ZNF536: variants seen among roughly 807,000 people sequenced by gnomAD.
ZNF536 encodes zinc finger protein 536.
ZNF536 carries 13 observed loss-of-function variants against 84.5 expected under a neutral mutation model. The observed-to-expected ratio is 0.15, with a 90% CI of 0.10 to 0.24. The LOEUF (loss-of-function observed/expected upper bound fraction) is 0.24. ZNF536 is among the 10% of genes least tolerant of loss of function. ZNF536 has a pLI of 1.00. For synonymous variants in ZNF536, 811 were observed against 742.5 expected (o/e 1.09, Z -1.50); for missense variants, 1,536 against 1,747.5 (o/e 0.88, Z 2.16).
At position 30,565,093 on chromosome 19, in the gene ZNF536, G is replaced by A. The variant is rs533060293; in HGVS notation, c.169+15579G>A. 2.6e-5 allele frequency among the ~76,000 whole-genome samples: 4 copies of A among 152,224 alleles called. No homozygotes were observed. In the East Asian group the frequency reaches 7.7e-4, roughly 29 times the overall value. ...GTCACCGTTGACATCTCAAACGAGG[G>A]TGACCATCTGCTCCTCTTTTTGCCA... On this transcript the variant is annotated intron_variant, in intron 1 of 1. Transcript: ENST00000592773.
rs1245763931 is a variant in ZNF536 at position 30,549,195 on chromosome 19, G to A, written c.3576G>A (p.Lys1192=). 3.1e-6 allele frequency: 5 copies of A among 1,614,032 alleles called. No individual in the cohort carries two copies. Among genetic ancestry groups the A allele is most frequent in the Non-Finnish European group, 2.5e-6 (3 of 1,180,046 alleles). Residue 1192 remains lysine, a synonymous_variant, in exon 4 of 5, where the codon AAG becomes AAA. Coordinates refer to ENST00000355537, the MANE Select transcript of ZNF536 (RefSeq NM_014717.3). Reference sequence around the variant, plus strand: ...AAACCGAACCGGAAATGATGACCAAGCCACTGTCTGCCCTCAGCAAAGACA... The same window carrying A: ...AAACCGAACCGGAAATGATGACCAAACCACTGTCTGCCCTCAGCAAAGACA... ...DVETEPEMMT[K]PLSALSKDSS...
chr19:30,348,236 G>A (rs1202754815), intron 2 of ZNF536, among the ~76,000 whole-genome samples: 3 of 152,042 alleles, frequency 2.0e-5, no homozygotes, highest in Non-Finnish European at 4.4e-5. Flanking sequence ...AATAAAACAC[G>A]AAGAAATGAA....
At chr19:30,299,046 A>C (rs1219103745) in intron 2 of ZNF536, among the ~76,000 whole-genome samples, 2 of 152,246 alleles carry the variant, frequency 1.3e-5, no homozygotes, top group Non-Finnish European at 2.9e-5. Flanking sequence ...ACAATGTGAA[A>C]GTGTGGGCTT....
At chr19:30,371,322 C>T (rs1272493954), upstream of ZNF536, among the ~76,000 whole-genome samples, 1 of 152,106 alleles carries the variant, frequency 6.6e-6, no homozygotes, top group Non-Finnish European at 1.5e-5. Flanking sequence ...AATAATGGAA[C>T]AATAAGGCCT....
intron 1 of ZNF536, among the ~76,000 whole-genome samples, chr19:30,663,186 T>G (rs995176918): frequency 2.0e-5 from 3 of 152,138 alleles, no homozygotes; most frequent in Non-Finnish European, 4.4e-5. Context: ...TTCCTGCACA[T>G]TTCTTAGCAC....
At chr19:30,591,505 C>T (rs1023404275) in intron 1 of ZNF536, among the ~76,000 whole-genome samples, 3 of 152,254 alleles carry the variant, frequency 2.0e-5, no homozygotes, top group African/African-American at 7.2e-5. Context: ...GAGATTTATT[C>T]ACTACCATGA....
chr19:30,248,242 G>A (rs1340075801), intron 1 of ZNF536, among the ~76,000 whole-genome samples: 2 of 80,902 alleles, frequency 2.5e-5, no homozygotes, highest in East Asian at 7.4e-4. Context: ...TTTTTTTTGC[G>A]ACAGAGTCTT....
upstream of ZNF536, among the ~76,000 whole-genome samples, chr19:30,227,234 GGC>G (rs1328287900): frequency 6.6e-6 from 1 of 152,170 alleles, no homozygotes; most frequent in African/African-American, 2.4e-5. Flanking sequence ...ACTCCGGCAG[GGC>G]TTTCTTTGGG....
intron 2 of ZNF536, among the ~76,000 whole-genome samples, chr19:30,498,671 A>G (rs1214769862): frequency 6.6e-6 from 1 of 152,242 alleles, no homozygotes; most frequent in Non-Finnish European, 1.5e-5. Flanking sequence ...ACTGCTGAAG[A>G]CAGAGAGGAA....
chr19:30,232,929 G>T (rs534331928), intron 1 of ZNF536, among the ~76,000 whole-genome samples: 2 of 152,320 alleles, frequency 1.3e-5, no homozygotes, highest in East Asian at 3.9e-4. Flanking sequence ...GGAGAATCAA[G>T]CTTATTTCCC....
intron 1 of ZNF536, among the ~76,000 whole-genome samples, chr19:30,681,593 C>T (rs1294480257): frequency 6.6e-6 from 1 of 152,222 alleles, no homozygotes; most frequent in Admixed American, 6.5e-5. Context: ...GGCCCCTCCT[C>T]CTAGCACTTA....
At chr19:30,281,113 T>C (rs1163390792) in intron 1 of ZNF536, among the ~76,000 whole-genome samples, 1 of 152,026 alleles carries the variant, frequency 6.6e-6, no homozygotes, top group African/African-American at 2.4e-5. Flanking sequence ...CTTCCTGTGC[T>C]CCCACTTCCC....
intron 1 of ZNF536, among the ~76,000 whole-genome samples, chr19:30,597,309 T>C (rs367747610): frequency 2.9e-4 from 44 of 152,342 alleles, no homozygotes; most frequent in East Asian, 1.3e-3. Context: ...ATTTGTCTAC[T>C]TGTGCAATAG....
chr19:30,659,253 G>C (rs1397298261), intron 1 of ZNF536, among the ~76,000 whole-genome samples: 1 of 152,166 alleles, frequency 6.6e-6, no homozygotes, highest in African/African-American at 2.4e-5. Context: ...ATGGTGGAAG[G>C]TGAAGGGGAA....
chr19:30,435,563 T>A (rs957680447), intron 1 of ZNF536, among the ~76,000 whole-genome samples: 1 of 152,024 alleles, frequency 6.6e-6, no homozygotes, highest in South Asian at 2.1e-4. Flanking sequence ...ATGGTGGTAA[T>A]GATGGTGATG....
chr19:30,504,410 C>T (rs1406049659), intron 2 of ZNF536, among the ~76,000 whole-genome samples: 5 of 133,090 alleles, frequency 3.8e-5, no homozygotes, highest in Admixed American at 3.6e-4. Context: ...CCCTCCTTCT[C>T]TCCTCCCTCT....
chr19:30,673,752 A>G (rs1014620821), intron 1 of ZNF536, among the ~76,000 whole-genome samples: 5 of 152,242 alleles, frequency 3.3e-5, no homozygotes, highest in African/African-American at 1.2e-4. Context: ...GCACGGACGC[A>G]CGTCCCGATG....
intron 1 of ZNF536, among the ~76,000 whole-genome samples, chr19:30,381,666 C>T (rs2049027880): frequency 6.6e-6 from 1 of 152,156 alleles, no homozygotes; most frequent in South Asian, 2.1e-4. Context: ...CCATTGCAGG[C>T]TGGGGCAAGG....
chr19:30,669,457 G>T (rs1320516444), intron 1 of ZNF536, among the ~76,000 whole-genome samples: 1 of 152,220 alleles, frequency 6.6e-6, no homozygotes, highest in Non-Finnish European at 1.5e-5. Flanking sequence ...TCGGTGTCCA[G>T]CCTGATGAAG....
Sources: gnomAD v4.1 joint callset for allele counts (sites outside exome capture counted in the v4.1 genomes callset) on GRCh38, gnomAD v4.1.1 for gene constraint, MANE v1.5 for transcripts, NCBI Gene and HGNC (gene_info 2026-07-23, HGNC 2026-07-21) for gene names.